The following COLEC11 variants were observed in gnomAD, a reference collection of about 807,000 sequenced individuals.
COLEC11 encodes the protein collectin subfamily member 11.
In COLEC11, 20 loss-of-function variants were observed where a neutral mutation model predicts 27.3. The ratio of observed to expected loss-of-function variants is 0.73; its 90% CI spans 0.51 to 1.06. COLEC11 has a LOEUF of 1.06. Among genes scored for constraint, COLEC11 ranks in the 50% least tolerant of loss-of-function variants. COLEC11 has a pLI of 0.00. For missense variants in COLEC11, 310 were observed against 383.0 expected (o/e 0.81, Z 1.59); for synonymous variants, 163 against 154.7 (o/e 1.05, Z -0.40).
At chr2:3,616,872 C>T (rs1205052096) in intron 3 of COLEC11, among the ~76,000 whole-genome samples, 1 of 152,170 alleles carries the variant, frequency 6.6e-6, no homozygotes, top group African/African-American at 2.4e-5. Context: ...TAATGCCCTC[C>T]AGGTTCATCC....
At chr2:3,617,617 C>G in intron 3 of COLEC11, 1 of 1,612,198 alleles carries the variant, frequency 6.2e-7, no homozygotes, top group Non-Finnish European at 8.5e-7. Flanking sequence ...TCTCTTGAGT[C>G]TCTGTCTTCT....
At position 3,604,457 on chromosome 2, in the gene COLEC11, C is replaced by A; in HGVS notation, c.117C>A (p.Val39=). The A allele has an allele frequency of 6.2e-7, 1 of 1,614,116 alleles. No individual in the cohort carries two copies. Among genetic ancestry groups the A allele is most frequent in the Non-Finnish European group, 8.5e-7 (1 of 1,180,028 alleles). Residue 39 remains valine, a synonymous_variant, in exon 2 of 7, where the codon GTC becomes GTA. Coordinates refer to ENST00000349077, the MANE Select transcript of COLEC11 (RefSeq NM_024027.5). The stretch of plus-strand genomic sequence containing the variant: ...ACGCCTGCTCTGTGCAGATCCTCGT[C>A]CCTGGCCTCAAAGGTAACCGCTCCC... ...GDDACSVQIL[V]PGLKGDAGEK...
chr2:3,600,424 A>G (rs1181901849), intron 1 of COLEC11, among the ~76,000 whole-genome samples: 2 of 152,006 alleles, frequency 1.3e-5, no homozygotes, highest in Non-Finnish European at 2.9e-5. Flanking sequence ...ACATGGTGGT[A>G]CATGCCTGTA....
intron 3 of COLEC11, among the ~76,000 whole-genome samples, chr2:3,633,272 C>T (rs1472533035): frequency 6.6e-6 from 1 of 152,234 alleles, no homozygotes; most frequent in Non-Finnish European, 1.5e-5. Context: ...CTCCTCCCAT[C>T]TTCGGGAAAG....
chr2:3,643,296 A>C (rs1445646434), intron 5 of COLEC11, 148 bp from the exon 6 acceptor site: 4 of 706,126 alleles, frequency 5.7e-6, no homozygotes, highest in Non-Finnish European at 7.7e-6. Flanking sequence ...TGCCTTTAGG[A>C]TGAAGTGGGT....
chr2:3,601,068 C>T lies in COLEC11; in HGVS notation c.-26-3247C>T, dbSNP rs114897779. ...GAAGTCATCTCTACTTCTGATTCCT[C>T]GTGGATTCTTGTAGGATGTTTGAAG... On this transcript the variant is annotated intron_variant, in intron 1 of 6. Transcript: ENST00000349077. Among the ~76,000 whole-genome samples the T allele has an allele frequency of 8.4e-3, 1,279 of 152,232 alleles. 22 individuals carry two copies. Among genetic ancestry groups the T allele is most frequent in the African/African-American group, 0.029 (1,225 of 41,538 alleles).
In COLEC11 at chr2:3,602,057, T is replaced by C. The variant is rs1662270428; in HGVS notation, c.-26-2258T>C. 7 of 152,280 alleles carry C rather than the reference T, an allele frequency of 4.6e-5. No individual in the cohort carries two copies. Among genetic ancestry groups the C allele is most frequent in the Admixed American group, 2.0e-4 (3 of 15,286 alleles). The allele number at this position is 152,280 out of a possible 1,614,324, so 9.4% of individuals were successfully genotyped here. ...TCGCCAGCCAGAGGCGGGGTCTCTG[T>C]AGACTCCATGGGGCCCTGGCTTTCG... On this transcript the variant is annotated intron_variant, in intron 1 of 6. Coordinates refer to ENST00000349077, the MANE Select transcript of COLEC11 (RefSeq NM_024027.5). The surrounding 1 kb of genome is among the most constrained non-coding windows in gnomAD (Gnocchi z 6.2).
In COLEC11 at chr2:3,613,361, G is replaced by C; in HGVS notation, c.181G>C (p.Val61Leu). ...AGGCGCCCCCGGACGGCCTGGAAGA[G>C]TCGGCCCCACGGGAGAAAAAGGTAC... ...DKGAPGRPGRVGPTGEKGDMG... is the reference protein window; with the variant it reads ...DKGAPGRPGRLGPTGEKGDMG... Residue 61 changes from valine (V) to leucine (L), a missense_variant, in exon 3 of 7, where the codon GTC becomes CTC. Physicochemically the swap from Val to Leu is conservative, Grantham distance 32 (BLOSUM62 1). Coordinates refer to ENST00000349077, the MANE Select transcript of COLEC11 (RefSeq NM_024027.5). 1 of 1,606,108 alleles carries C rather than the reference G, an allele frequency of 6.2e-7. No homozygotes were observed. The highest frequency in any genetic ancestry group is 2.2e-5 in the East Asian group (1 of 44,596).
At chr2:3,612,170 GCGCACACA>G (rs1417369067) in intron 2 of COLEC11, among the ~76,000 whole-genome samples, 1 of 152,032 alleles carries the variant, frequency 6.6e-6, no homozygotes. Flanking sequence ...TAGCATATCA[GCGCACACA>G]CGCGCACACA....
intron 1 of COLEC11, 30 bp from the exon 2 acceptor site, chr2:3,604,285 C>T: frequency 6.2e-7 from 1 of 1,613,230 alleles, no homozygotes; most frequent in South Asian, 1.1e-5. Flanking sequence ...GTTGCAGTTC[C>T]CATCACTGTT....
At chr2:3,598,110 A>G (rs1245403617) in intron 1 of COLEC11, among the ~76,000 whole-genome samples, 1 of 151,772 alleles carries the variant, frequency 6.6e-6, no homozygotes, top group African/African-American at 2.4e-5. Flanking sequence ...TAATTTTTGT[A>G]TTTTTAGTAG....
intron 1 of COLEC11, among the ~76,000 whole-genome samples, chr2:3,599,831 C>G (rs1461509618): frequency 6.6e-6 from 1 of 152,200 alleles, no homozygotes; most frequent in African/African-American, 2.4e-5. Flanking sequence ...CAGCACCCGT[C>G]AGTGGCATGC....
At chr2:3,612,381 T>C (rs1232704844) in intron 2 of COLEC11, among the ~76,000 whole-genome samples, 2 of 151,612 alleles carry the variant, frequency 1.3e-5, no homozygotes, top group Non-Finnish European at 2.9e-5. Context: ...GCCAGCAGAG[T>C]GGCCCTGTTG....
chr2:3,638,225 G>A lies in COLEC11; in HGVS notation c.274+621G>A, dbSNP rs567136756. Among the ~76,000 whole-genome samples the A allele has an allele frequency of 2.6e-5, 4 of 152,346 alleles. No homozygotes were observed. The South Asian group carries it at 8.3e-4, about 32-fold the overall frequency. ...CTGAGGCCAGGACAGGCAAGGGGTT[G>A]CTCAGAAGGTGCTGCTCCTATGCGC... On this transcript the variant is annotated intron_variant, in intron 4 of 6. Transcript: ENST00000349077.
rs528648214 is a variant in COLEC11, at chr2:3,625,440, G to A, written c.202+12058G>A. Among the ~76,000 whole-genome samples, 408 of 152,046 alleles carry A rather than the reference G, an allele frequency of 2.7e-3. 3 individuals are homozygous for A. Among genetic ancestry groups the A allele is most frequent in the Non-Finnish European group, 4.2e-3 (287 of 67,974 alleles). On this transcript the variant is annotated intron_variant, in intron 3 of 6. Coordinates refer to ENST00000349077, the MANE Select transcript of COLEC11 (RefSeq NM_024027.5). ...AGGGCGGGGGTTAGGGAAGGCACTC[G>A]GGAGGCTACTCGTAATTCAGGGTTT...
At chr2:3,624,061 G>T (rs1252498661) in intron 3 of COLEC11, among the ~76,000 whole-genome samples, 1 of 152,194 alleles carries the variant, frequency 6.6e-6, no homozygotes, top group Non-Finnish European at 1.5e-5. Flanking sequence ...TTCTCTTGGA[G>T]AGGGGTGAAT....
At chr2:3,599,057 A>AG (rs1184012399) in intron 1 of COLEC11, among the ~76,000 whole-genome samples, 2 of 49,190 alleles carry the variant, frequency 4.1e-5, no homozygotes, top group Non-Finnish European at 8.7e-5. Flanking sequence ...AGAAAGAGGA[A>AG]ACAGCCAACA....
At chr2:3,634,791 C>T (rs1010093469) in intron 3 of COLEC11, among the ~76,000 whole-genome samples, 6 of 152,014 alleles carry the variant, frequency 3.9e-5, no homozygotes, top group African/African-American at 7.2e-5. Flanking sequence ...ATGAAGGCAA[C>T]GCACTGAGCA....
rs1027365421 is a variant in COLEC11, at chr2:3,603,416, A to C, written c.-26-899A>C. 7.6e-6 allele frequency: 4 copies of C among 527,838 alleles called. No individual in the cohort carries two copies. The African/African-American group carries it at 7.7e-5, about 10-fold the overall frequency. 32.7% of individuals were successfully genotyped at this position (527,838 alleles called of 1,614,324 possible). A position where few individuals can be genotyped will look rare whatever the true frequency, so the allele number is the denominator to read the frequency against. Reference sequence around the variant, plus strand: ...ACTGCAACCTCCGCCTCCTGGGTTCAAGCAGTTCTCCTGCCTCAGCCTCCC... The same window carrying C: ...ACTGCAACCTCCGCCTCCTGGGTTCCAGCAGTTCTCCTGCCTCAGCCTCCC... On this transcript the variant is annotated intron_variant, in intron 1 of 6. Coordinates refer to ENST00000349077, the MANE Select transcript of COLEC11 (RefSeq NM_024027.5).
Sources: gnomAD v4.1 joint callset for allele counts (sites outside exome capture counted in the v4.1 genomes callset) on GRCh38, gnomAD v4.1.1 for gene constraint, Gnocchi (gnomAD v3.1) non-coding constraint, MANE v1.5 for transcripts, NCBI Gene and HGNC (gene_info 2026-07-23, HGNC 2026-07-21) for gene names.